SDK1: variants seen among roughly 807,000 people sequenced by gnomAD.
SDK1 encodes sidekick cell adhesion molecule 1, also known as protein sidekick-1.
A neutral mutation model predicts 245.5 loss-of-function variants in SDK1; 157 were observed. The ratio of observed to expected loss-of-function variants is 0.64; its 90% CI spans 0.56 to 0.73. The LOEUF is 0.73. Ranked by LOEUF, SDK1 falls within the 30% of genes least tolerant of loss-of-function variation. SDK1 has a pLI of 0.00. For missense variants in SDK1, 3,583 were observed against 3,002.3 expected (o/e 1.19, Z -4.52); for synonymous variants, 1,647 against 1,278.5 (o/e 1.29, Z -6.15).
chr7:3,620,962 C>G (rs74892010), intron 2 of SDK1, among the ~76,000 whole-genome samples: 2 of 152,058 alleles, frequency 1.3e-5, no homozygotes, highest in Non-Finnish European at 2.9e-5. Flanking sequence ...AGTCCTGAAT[C>G]CTAGGACTGG....
chr7:4,257,778 A>G (rs1787719750), intron 44 of SDK1, among the ~76,000 whole-genome samples: 1 of 152,190 alleles, frequency 6.6e-6, no homozygotes, highest in African/African-American at 2.4e-5. Context: ...GCCACTCAGA[A>G]CTCACGGCCT....
intron 1 of SDK1, among the ~76,000 whole-genome samples, chr7:3,405,526 T>C (rs1462063850): frequency 6.6e-6 from 1 of 152,210 alleles, no homozygotes; most frequent in Non-Finnish European, 1.5e-5. Context: ...AATCTCTGCC[T>C]GTCTTTAGTT....
intron 1 of SDK1, among the ~76,000 whole-genome samples, chr7:3,484,746 G>A (rs1405764289): frequency 6.6e-6 from 1 of 152,138 alleles, no homozygotes; most frequent in Non-Finnish European, 1.5e-5. Context: ...CCACATAGGA[G>A]TGAGAACATG....
intron 4 of SDK1, among the ~76,000 whole-genome samples, chr7:3,781,918 T>C (rs1193818358): frequency 6.6e-6 from 1 of 152,104 alleles, no homozygotes; most frequent in Non-Finnish European, 1.5e-5. Flanking sequence ...ATGAGAGTTA[T>C]GAACACTGTC....
intron 1 of SDK1, among the ~76,000 whole-genome samples, chr7:3,560,677 C>T (rs1334509045): frequency 3.3e-5 from 5 of 152,136 alleles, no homozygotes; most frequent in African/African-American, 1.2e-4. Context: ...CCCTTCTCAG[C>T]ACTCTCCAGT....
At chr7:4,136,551 C>A (rs1163326548) in intron 28 of SDK1, among the ~76,000 whole-genome samples, 2 of 152,248 alleles carry the variant, frequency 1.3e-5, no homozygotes, top group South Asian at 2.1e-4. Flanking sequence ...TGCTTATTTG[C>A]GTAAATATTT....
intron 1 of SDK1, among the ~76,000 whole-genome samples, chr7:3,508,426 C>G (rs1475281461): frequency 6.6e-6 from 1 of 150,402 alleles, no homozygotes; most frequent in Non-Finnish European, 1.5e-5. Flanking sequence ...CTCCTCGGTT[C>G]AAACAATTCT....
intron 1 of SDK1, among the ~76,000 whole-genome samples, chr7:3,519,297 C>G (rs1782852304): frequency 6.6e-6 from 1 of 151,984 alleles, no homozygotes; most frequent in Non-Finnish European, 1.5e-5. Flanking sequence ...GTTCCCAACA[C>G]AAAGAAGTGA....
At chr7:3,376,145 C>G (rs896364587) in intron 1 of SDK1, among the ~76,000 whole-genome samples, 2 of 152,070 alleles carry the variant, frequency 1.3e-5, no homozygotes, top group African/African-American at 4.8e-5. Flanking sequence ...TGCAGTGAGC[C>G]ATGATCATGC....
intron 1 of SDK1, among the ~76,000 whole-genome samples, chr7:3,541,138 A>G (rs902571229): frequency 6.6e-6 from 1 of 152,240 alleles, no homozygotes; most frequent in African/African-American, 2.4e-5. Context: ...TCGAAATTGA[A>G]CAAAGTATAT....
At chr7:3,383,063 T>C (rs1385574573) in intron 1 of SDK1, among the ~76,000 whole-genome samples, 1 of 152,188 alleles carries the variant, frequency 6.6e-6, no homozygotes, top group Admixed American at 6.5e-5. Context: ...TAAAATGTTG[T>C]CTTGAATTCT....
intron 10 of SDK1, among the ~76,000 whole-genome samples, chr7:3,968,017 C>G (rs1782209157): frequency 6.6e-6 from 1 of 152,260 alleles, no homozygotes; most frequent in African/African-American, 2.4e-5. Context: ...TCTTCTCTAT[C>G]CACGCCCTTC....
At chr7:3,558,889 A>G (rs560237956) in intron 1 of SDK1, among the ~76,000 whole-genome samples, 1 of 152,222 alleles carries the variant, frequency 6.6e-6, no homozygotes, top group Non-Finnish European at 1.5e-5. Context: ...TATGCATTTC[A>G]TTAGACAAAT....
chr7:3,553,856 G>C (rs1434016504), intron 1 of SDK1, among the ~76,000 whole-genome samples: 1 of 152,132 alleles, frequency 6.6e-6, no homozygotes, highest in Non-Finnish European at 1.5e-5. Flanking sequence ...AGGGACACTG[G>C]GCATTAGGCC....
chr7:3,902,931 A>C (rs929158736), intron 5 of SDK1, among the ~76,000 whole-genome samples: 3 of 152,220 alleles, frequency 2.0e-5, no homozygotes, highest in Admixed American at 6.5e-5. Context: ...CCACTCAACA[A>C]TAAAAAGACA....
chr7:4,159,921 T>A (rs1781007361), intron 31 of SDK1, among the ~76,000 whole-genome samples: 1 of 152,230 alleles, frequency 6.6e-6, no homozygotes, highest in Admixed American at 6.5e-5. Flanking sequence ...GTAGGAGGAC[T>A]GATGAGTAAC....
At chr7:3,912,254 G>A (rs993434359) in intron 5 of SDK1, among the ~76,000 whole-genome samples, 4 of 152,196 alleles carry the variant, frequency 2.6e-5, no homozygotes, top group African/African-American at 9.7e-5. Context: ...TTAGGCTATA[G>A]GAGGAGGAGC....
chr7:3,491,669 A>C (rs895648818), intron 1 of SDK1, among the ~76,000 whole-genome samples: 1 of 152,230 alleles, frequency 6.6e-6, no homozygotes, highest in Non-Finnish European at 1.5e-5. Flanking sequence ...AAGGCAGTAC[A>C]CACATTCTCA....
chr7:3,898,977 T>A (rs768532897), intron 5 of SDK1, among the ~76,000 whole-genome samples: 1 of 152,226 alleles, frequency 6.6e-6, no homozygotes, highest in Non-Finnish European at 1.5e-5. Flanking sequence ...GGTTTCCCAA[T>A]TCTATAGTAA....
Sources: gnomAD v4.1 joint callset for allele counts (sites outside exome capture counted in the v4.1 genomes callset) on GRCh38, gnomAD v4.1.1 for gene constraint, MANE v1.5 for transcripts, NCBI Gene and HGNC (gene_info 2026-07-23, HGNC 2026-07-21) for gene names.